Variants in SUCLG2 observed in about 807,000 individuals in gnomAD.
SUCLG2 encodes the protein succinate-CoA ligase GDP-forming subunit beta.
A neutral mutation model predicts 47.9 loss-of-function variants in SUCLG2; 42 were observed. The observed-to-expected ratio is 0.88, with a 90% CI of 0.69 to 1.14. SUCLG2 has a LOEUF of 1.14. Ranked by LOEUF, SUCLG2 falls within the 50% of genes most tolerant of loss-of-function variation. The pLI is 0.00. For synonymous variants in SUCLG2, 195 were observed against 197.3 expected (o/e 0.99, Z 0.10); for missense variants, 571 against 525.9 (o/e 1.09, Z -0.84).
chr3:67,415,732 T>G (rs1703025953), intron 9 of SUCLG2, among the ~76,000 whole-genome samples: 1 of 152,224 alleles, frequency 6.6e-6, no homozygotes, highest in Non-Finnish European at 1.5e-5. Context: ...CTTGAAGATC[T>G]CCTTCCATGG....
chr3:67,495,182 C>G (rs543058091), intron 9 of SUCLG2, among the ~76,000 whole-genome samples: 37 of 152,102 alleles, frequency 2.4e-4, no homozygotes, highest in Admixed American at 1.0e-3. Flanking sequence ...AGCATAGGAC[C>G]AGTCACTTCT....
chr3:67,640,120 A>G (rs1451258321), intron 1 of SUCLG2, among the ~76,000 whole-genome samples: 1 of 152,198 alleles, frequency 6.6e-6, no homozygotes, highest in Non-Finnish European at 1.5e-5. Flanking sequence ...ACAAAACTGA[A>G]AATTTCTCCG....
intron 10 of SUCLG2, among the ~76,000 whole-genome samples, chr3:67,379,911 G>A (rs1290308948): frequency 1.3e-5 from 2 of 152,188 alleles, no homozygotes; most frequent in East Asian, 3.9e-4. Context: ...ATGACTTACT[G>A]ATGCTTCCCT....
intron 2 of SUCLG2, among the ~76,000 whole-genome samples, chr3:67,534,991 A>G (rs1258540597): frequency 6.6e-6 from 1 of 152,158 alleles, no homozygotes; most frequent in Non-Finnish European, 1.5e-5. Context: ...TAATTACAGG[A>G]CAAAGCAATC....
intron 3 of SUCLG2, among the ~76,000 whole-genome samples, chr3:67,528,537 T>C (rs575476274): frequency 3.7e-4 from 57 of 152,158 alleles, no homozygotes; most frequent in African/African-American, 1.1e-3. Context: ...TGACTGAAGA[T>C]CCGACAGTGG....
At chr3:67,446,463 C>T (rs1310265787) in intron 9 of SUCLG2, among the ~76,000 whole-genome samples, 2 of 117,988 alleles carry the variant, frequency 1.7e-5, no homozygotes, top group Non-Finnish European at 3.3e-5. Flanking sequence ...TAGAGTCTCG[C>T]TCTGTCACTC....
intron 9 of SUCLG2, among the ~76,000 whole-genome samples, chr3:67,424,832 A>G (rs1356850196): frequency 2.0e-5 from 3 of 152,074 alleles, no homozygotes; most frequent in Admixed American, 1.3e-4. Context: ...GCCCTCCAAG[A>G]TTTGGCCCCA....
intron 9 of SUCLG2, among the ~76,000 whole-genome samples, chr3:67,444,989 G>GT (rs1703893725): frequency 2.4e-5 from 1 of 41,476 alleles, no homozygotes. Flanking sequence ...CGTCTGGGAG[G>GT]GAGGTTGGGG....
At position 67,521,655 on chromosome 3, in the gene SUCLG2, T is replaced by G. The variant is rs146559453; in HGVS notation, c.418-1021A>C. Among the ~76,000 whole-genome samples, 1,295 of 152,034 alleles carry G rather than the reference T, an allele frequency of 8.5e-3. 28 individuals carry two copies. The highest frequency in any genetic ancestry group is 0.03 in the African/African-American group (1,254 of 41,348). On this transcript the variant is annotated intron_variant, in intron 4 of 10. Transcript: ENST00000307227. ...TCTCACTCTGTCACTGAGGCTGTAGTGCAGTGGCACGATCTCAGCTCCCTA... is the reference window on the plus strand; with the variant it reads ...TCTCACTCTGTCACTGAGGCTGTAGGGCAGTGGCACGATCTCAGCTCCCTA...
chr3:67,532,329 G>T (rs1410385211), intron 2 of SUCLG2, among the ~76,000 whole-genome samples: 2 of 152,096 alleles, frequency 1.3e-5, no homozygotes, highest in Non-Finnish European at 2.9e-5. Context: ...CAGAGATGAG[G>T]TTTCCCATGT....
At chr3:67,509,951 G>T (rs1489296643) in intron 6 of SUCLG2, among the ~76,000 whole-genome samples, 1 of 152,156 alleles carries the variant, frequency 6.6e-6, no homozygotes, top group Non-Finnish European at 1.5e-5. Flanking sequence ...GCAAGCAGTG[G>T]TGAGAGATGG....
chr3:67,600,241 A>C (rs1708388283), intron 2 of SUCLG2, among the ~76,000 whole-genome samples: 1 of 152,220 alleles, frequency 6.6e-6, no homozygotes, highest in African/African-American at 2.4e-5. Context: ...TTATTGCAAA[A>C]GTATTGAAAA....
At position 67,377,903 on chromosome 3, in the gene SUCLG2, C is replaced by T. The variant is rs187507763; in HGVS notation, c.1184-2044G>A. Among the ~76,000 whole-genome samples, 9 of 152,276 alleles carry T rather than the reference C, an allele frequency of 5.9e-5. No homozygotes were observed. The East Asian group carries it at 9.7e-4, about 16-fold the overall frequency. On this transcript the variant is annotated intron_variant, in intron 10 of 10. Coordinates refer to ENST00000307227, the MANE Select transcript of SUCLG2 (RefSeq NM_003848.4). ...TCCTAAACTCAAGGACTCCATCTGC[C>T]GTGGCCTCCCAAAATGCTGGGATTA...
chr3:67,519,655 CA>C (rs941733266), intron 5 of SUCLG2, among the ~76,000 whole-genome samples: 3 of 151,834 alleles, frequency 2.0e-5, no homozygotes, highest in Admixed American at 6.6e-5. Context: ...CAAAGGGAAA[CA>C]AAAAAATCAT....
intron 9 of SUCLG2, among the ~76,000 whole-genome samples, chr3:67,425,267 C>A (rs745666148): frequency 6.6e-6 from 1 of 152,134 alleles, no homozygotes; most frequent in Non-Finnish European, 1.5e-5. Context: ...AGTGGACTGA[C>A]CCACACCTCT....
intron 2 of SUCLG2, among the ~76,000 whole-genome samples, chr3:67,531,522 C>T (rs767140043): frequency 6.6e-6 from 1 of 152,184 alleles, no homozygotes; most frequent in Non-Finnish European, 1.5e-5. Context: ...GTCAATTAAA[C>T]GTGTCGCCAT....
At chr3:67,461,586 A>G (rs1704336730) in intron 9 of SUCLG2, among the ~76,000 whole-genome samples, 1 of 151,786 alleles carries the variant, frequency 6.6e-6, no homozygotes, top group Admixed American at 6.6e-5. Flanking sequence ...TTCATCTAGT[A>G]TCTAGGGGTC....
chr3:67,454,232 T>C (rs1029833531), intron 9 of SUCLG2, among the ~76,000 whole-genome samples: 2 of 152,200 alleles, frequency 1.3e-5, no homozygotes, highest in Non-Finnish European at 2.9e-5. Context: ...CTTACCCATT[T>C]ATATATCTCC....
chr3:67,495,171 A>G (rs1419238307), intron 9 of SUCLG2, among the ~76,000 whole-genome samples: 1 of 152,190 alleles, frequency 6.6e-6, no homozygotes, highest in Non-Finnish European at 1.5e-5. Context: ...TAAATCATGT[A>G]AGCATAGGAC....
Sources: gnomAD v4.1 joint callset for allele counts (sites outside exome capture counted in the v4.1 genomes callset) on GRCh38, gnomAD v4.1.1 for gene constraint, MANE v1.5 for transcripts, NCBI Gene and HGNC (gene_info 2026-07-23, HGNC 2026-07-21) for gene names.